The following CDKL3 variants were observed in gnomAD, a reference collection of about 807,000 sequenced individuals.
The protein encoded by CDKL3 is cyclin dependent kinase like 3.
A neutral mutation model predicts 69.3 loss-of-function variants in CDKL3; 65 were observed. The ratio of observed to expected loss-of-function variants is 0.94; its 90% CI spans 0.77 to 1.15. CDKL3 has a LOEUF of 1.15. CDKL3 is among the 50% of genes most tolerant of loss of function. The pLI, the probability that CDKL3 is intolerant of heterozygous loss-of-function variation, is 0.00. For missense variants in CDKL3, 652 were observed against 689.2 expected, an observed-to-expected ratio of 0.95 and a Z score of 0.61; for synonymous variants, 202 against 221.6, an observed-to-expected ratio of 0.91 and a Z score of 0.79.
intron 10 of CDKL3, 72 bp from the exon 11 acceptor site, chr5:134,304,639 T>C (rs1767248898): frequency 6.3e-6 from 8 of 1,261,716 alleles, no homozygotes; most frequent in Non-Finnish European, 8.7e-6. Flanking sequence ...CTAGAATTGC[T>C]AGCCATTTGG....
intron 2 of CDKL3, among the ~76,000 whole-genome samples, chr5:134,364,665 C>T (rs541722275): frequency 2.6e-5 from 4 of 152,020 alleles, no homozygotes; most frequent in Admixed American, 2.6e-4. Context: ...GCATGCACTA[C>T]CATCCCCGGC....
chr5:134,345,804 T>C (rs1338120824), intron 4 of CDKL3, among the ~76,000 whole-genome samples: 1 of 152,206 alleles, frequency 6.6e-6, no homozygotes, highest in East Asian at 1.9e-4. Context: ...GCCATCTGGA[T>C]GTATCCGTGC....
upstream of CDKL3, among the ~76,000 whole-genome samples, chr5:134,369,406 C>T (rs370319298): frequency 2.0e-5 from 3 of 152,126 alleles, no homozygotes. Context: ...TGTATCCATT[C>T]GTCAGCTCAA....
chr5:134,371,000 G>C (rs141570561), upstream of CDKL3: 58 of 167,578 alleles, frequency 3.5e-4, no homozygotes, highest in Non-Finnish European at 5.6e-4. Flanking sequence ...TCACAGACCT[G>C]GCTGAAACTC....
intron 9 of CDKL3, among the ~76,000 whole-genome samples, 171 bp from the exon 10 acceptor site, chr5:134,306,873 GCCTC>G (rs1208393423): frequency 6.9e-6 from 1 of 144,246 alleles, no homozygotes; most frequent in East Asian, 2.2e-4. Context: ...TCTTGCCTCA[GCCTC>G]CCAAGTAGCT....
upstream of CDKL3, chr5:134,371,411 C>G: frequency 1.3e-6 from 1 of 751,660 alleles, no homozygotes; most frequent in South Asian, 1.8e-5. Flanking sequence ...GTGGTAGCGG[C>G]GGAGGGCGGA....
At chr5:134,354,556 T>A (rs1754091843) in intron 3 of CDKL3, among the ~76,000 whole-genome samples, 1 of 152,222 alleles carries the variant, frequency 6.6e-6, no homozygotes, top group South Asian at 2.1e-4. Context: ...CCTTTTTAAC[T>A]ACCACAATTT....
chr5:134,319,570 T>C (rs1772192402), intron 5 of CDKL3, 73 bp from the exon 6 acceptor site: 1 of 1,265,732 alleles, frequency 7.9e-7, no homozygotes, highest in Non-Finnish European at 1.1e-6. Context: ...AATTGCTATG[T>C]CATCTATGTT....
At chr5:134,292,361 C>G (rs1765157002) in intron 8 of CDKL3, among the ~76,000 whole-genome samples, 1 of 151,890 alleles carries the variant, frequency 6.6e-6, no homozygotes, top group African/African-American at 2.4e-5. Context: ...AAACAGATTT[C>G]TAAATAAATG....
Position 134,366,555 on chromosome 5 carries a change from A to G in CDKL3, c.-21-11T>C. The G allele has an allele frequency of 2.6e-6, 4 of 1,514,796 alleles. No individual in the cohort carries two copies. The highest frequency in any genetic ancestry group is 3.6e-6 in the Non-Finnish European group (4 of 1,118,992). 93.8% of individuals were successfully genotyped at this position (1,514,796 alleles called of 1,614,324 possible). On this transcript the variant is annotated splice_polypyrimidine_tract_variant and intron_variant, in intron 1 of 12. Coordinates refer to ENST00000265334, the MANE Select transcript of CDKL3 (RefSeq NM_001113575.2). ...GCTGGGCTTTTACTACTTTATAGAA[A>G]TAAAGAAAGAAAATGGAAAATGTTA...
At chr5:134,311,262 G>A (rs1393123769) in intron 7 of CDKL3, among the ~76,000 whole-genome samples, 3 of 152,186 alleles carry the variant, frequency 2.0e-5, no homozygotes, top group African/African-American at 4.8e-5. Flanking sequence ...CCAACACTTC[G>A]GGAGGCCAAG....
intron 4 of CDKL3, among the ~76,000 whole-genome samples, chr5:134,342,328 G>C (rs1415579404): frequency 6.6e-6 from 1 of 152,176 alleles, no homozygotes; most frequent in Non-Finnish European, 1.5e-5. Flanking sequence ...GCCGGGTGCG[G>C]TGGCTCACGC....
At chr5:134,305,500 C>T (rs1580823313) in intron 10 of CDKL3, among the ~76,000 whole-genome samples, 2 of 152,184 alleles carry the variant, frequency 1.3e-5, no homozygotes, top group African/African-American at 4.8e-5. Flanking sequence ...TTCTTAATAA[C>T]TTCTTTATCT....
At chr5:134,338,724 A>C (rs550998711) in intron 4 of CDKL3, among the ~76,000 whole-genome samples, 1 of 152,116 alleles carries the variant, frequency 6.6e-6, no homozygotes, top group East Asian at 1.9e-4. Flanking sequence ...TAGTAAAAAA[A>C]ATTATTAAAG....
chr5:134,314,565 C>T (rs1770496452), intron 6 of CDKL3, among the ~76,000 whole-genome samples: 1 of 152,106 alleles, frequency 6.6e-6, no homozygotes, highest in Admixed American at 6.6e-5. Context: ...TGTCCATCAA[C>T]AGGGAAAGGA....
At chr5:134,312,908 CA>C (rs1185181713) in intron 6 of CDKL3, among the ~76,000 whole-genome samples, 1 of 152,164 alleles carries the variant, frequency 6.6e-6, no homozygotes, top group East Asian at 1.9e-4. Flanking sequence ...TAGAAACAAA[CA>C]AACAAAATAT....
intron 5 of CDKL3, among the ~76,000 whole-genome samples, chr5:134,320,958 G>A (rs922627093): frequency 6.7e-6 from 1 of 150,366 alleles, no homozygotes; most frequent in Non-Finnish European, 1.5e-5. Context: ...TAATGTTTTG[G>A]TGGCCAAAGC....
At chr5:134,304,306 A>G in intron 11 of CDKL3, 99 bp downstream of exon 11, 2 of 966,034 alleles carry the variant, frequency 2.1e-6, no homozygotes, top group Non-Finnish European at 2.9e-6. Context: ...CCAATTTACT[A>G]TTTTCTACCT....
Position 134,308,584 on chromosome 5 carries a change from A to T in CDKL3, c.1025T>A (p.Val342Asp). The T allele has an allele frequency of 6.3e-7, 1 of 1,580,440 alleles. No individual in the cohort carries two copies. Among genetic ancestry groups the T allele is most frequent in the Non-Finnish European group, 8.5e-7 (1 of 1,170,954 alleles). Residue 342 changes from valine (V) to aspartate (D), a missense_variant, in exon 8 of 13, where the codon GTT becomes GAT. Physicochemically the swap from Val to Asp is radical, Grantham distance 152. Transcript: ENST00000265334. ...VYTNTLLSSS[V>D]LGKEIEKEKK... ...AACCAAAGTTCTTACCTTTCCCAAA[A>T]CTGAACTACTTAGCAGTGTATTGGT...
Sources: gnomAD v4.1 joint callset for allele counts (sites outside exome capture counted in the v4.1 genomes callset) on GRCh38, gnomAD v4.1.1 for gene constraint, MANE v1.5 for transcripts, NCBI Gene and HGNC (gene_info 2026-07-23, HGNC 2026-07-21) for gene names.